MSRB3: variants seen among roughly 807,000 people sequenced by gnomAD.
MSRB3 encodes the protein methionine-R-sulfoxide reductase B3.
A neutral mutation model predicts 21.0 loss-of-function variants in MSRB3; 13 were observed. The observed-to-expected ratio is 0.62, with a 90% CI of 0.40 to 0.98. MSRB3 has a LOEUF of 0.98. MSRB3 is among the 50% of genes least tolerant of loss of function. The pLI is 0.00. For synonymous variants in MSRB3, 87 were observed against 88.6 expected, an observed-to-expected ratio of 0.98 and a Z score of 0.10; for missense variants, 199 against 230.3, an observed-to-expected ratio of 0.86 and a Z score of 0.88.
rs1478873848 is a variant in MSRB3 at position 65,466,739 on chromosome 12, T to G, written c.*3417T>G. ...ATACAAAACAAATGGTAAAGGGGAT[T>G]ATCTTTTGTTTAGATGGTTAAATAT... On this transcript the variant is annotated 3_prime_UTR_variant, in exon 7 of 7. Coordinates refer to ENST00000308259, the MANE Select transcript of MSRB3 (RefSeq NM_001031679.3). The G allele has an allele frequency of 6.6e-6, 1 of 152,256 alleles. No homozygotes were observed. Among genetic ancestry groups the G allele is most frequent in the African/African-American group, 2.4e-5 (1 of 41,458 alleles). 9.4% of individuals were successfully genotyped at this position (152,256 alleles called of 1,614,324 possible). A position where few individuals can be genotyped will look rare whatever the true frequency, so the allele number is the denominator to read the frequency against.
At chr12:65,304,384 C>T (rs935944640) in intron 1 of MSRB3, among the ~76,000 whole-genome samples, 15 of 152,130 alleles carry the variant, frequency 9.9e-5, no homozygotes, top group African/African-American at 2.7e-4. Context: ...TGATACTGCT[C>T]ATTAGGTATT....
At chr12:65,449,287 C>G (rs1407925439) in intron 5 of MSRB3, among the ~76,000 whole-genome samples, 2 of 151,750 alleles carry the variant, frequency 1.3e-5, no homozygotes, top group Non-Finnish European at 2.9e-5. Flanking sequence ...TCCACCCCCC[C>G]AGAGTGAATA....
chr12:65,375,013 CTTT>C (rs34940463), intron 5 of MSRB3, among the ~76,000 whole-genome samples: 3 of 140,328 alleles, frequency 2.1e-5, no homozygotes, highest in African/African-American at 2.6e-5. Context: ...CCACGCCTGG[CTTT>C]TTTTTTTTTT....
At chr12:65,451,531 T>G (rs1215457107) in intron 5 of MSRB3, among the ~76,000 whole-genome samples, 1 of 152,174 alleles carries the variant, frequency 6.6e-6, no homozygotes, top group East Asian at 1.9e-4. Flanking sequence ...AGTTTTGGCT[T>G]TGCTACTTAC....
At chr12:65,405,926 G>T (rs1340542823) in intron 5 of MSRB3, among the ~76,000 whole-genome samples, 2 of 151,310 alleles carry the variant, frequency 1.3e-5, no homozygotes, top group African/African-American at 2.4e-5. Context: ...TTTTAAATTG[G>T]GTTATTTATT....
At chr12:65,332,164 A>G (rs1159484747) in intron 4 of MSRB3, among the ~76,000 whole-genome samples, 1 of 152,312 alleles carries the variant, frequency 6.6e-6, no homozygotes, top group Non-Finnish European at 1.5e-5. Context: ...TTTAATATCA[A>G]AATTCTTTTA....
intron 5 of MSRB3, among the ~76,000 whole-genome samples, chr12:65,428,415 G>T (rs936693205): frequency 6.6e-6 from 1 of 152,016 alleles, no homozygotes; most frequent in Admixed American, 6.6e-5. Context: ...TATTTTGGGG[G>T]TGCTAAAGGG....
At chr12:65,303,187 A>G (rs1008660051) in intron 1 of MSRB3, among the ~76,000 whole-genome samples, 2 of 152,156 alleles carry the variant, frequency 1.3e-5, no homozygotes, top group African/African-American at 2.4e-5. Context: ...CTTTAAAACT[A>G]CTAGTACAAT....
chr12:65,365,649 G>A (rs1221052225), intron 4 of MSRB3, among the ~76,000 whole-genome samples: 1 of 152,102 alleles, frequency 6.6e-6, no homozygotes, highest in Admixed American at 6.5e-5. Flanking sequence ...GCAGGGCCTG[G>A]GCAAGAGGAC....
At chr12:65,443,176 A>G (rs1351973024) in intron 5 of MSRB3, among the ~76,000 whole-genome samples, 1 of 152,096 alleles carries the variant, frequency 6.6e-6, no homozygotes, top group Middle Eastern at 3.2e-3. Context: ...GCTCAAAGGA[A>G]TTAGTAAAGC....
intron 4 of MSRB3, among the ~76,000 whole-genome samples, chr12:65,334,955 G>T (rs970698705): frequency 5.9e-5 from 9 of 152,030 alleles, no homozygotes; most frequent in African/African-American, 2.2e-4. Flanking sequence ...TGAGAAGATT[G>T]ATGCCAACTG....
At chr12:65,453,918 G>A (rs578131252) in intron 6 of MSRB3, 93 bp downstream of exon 6, 1 of 1,010,450 alleles carries the variant, frequency 9.9e-7, no homozygotes, top group South Asian at 1.3e-5. Flanking sequence ...CTGGTCACAA[G>A]AAGGACAGAC....
chr12:65,407,895 C>T (rs993321814), intron 5 of MSRB3, among the ~76,000 whole-genome samples: 15 of 150,970 alleles, frequency 9.9e-5, no homozygotes, highest in Non-Finnish European at 1.9e-4. Flanking sequence ...TGGCATTTTT[C>T]TTTGATTCTT....
intron 5 of MSRB3, chr12:65,419,004 T>C: frequency 1.4e-6 from 1 of 712,036 alleles, no homozygotes; most frequent in Non-Finnish European, 2.5e-6. Context: ...TCCCGTTGAG[T>C]TGCTCCATCT....
intron 5 of MSRB3, among the ~76,000 whole-genome samples, chr12:65,394,548 C>G (rs1461277675): frequency 6.6e-6 from 1 of 152,188 alleles, no homozygotes; most frequent in Non-Finnish European, 1.5e-5. Context: ...ATTCACAACT[C>G]TTCCAAAAAA....
At chr12:65,365,628 A>G (rs1157622437) in intron 4 of MSRB3, among the ~76,000 whole-genome samples, 2 of 152,120 alleles carry the variant, frequency 1.3e-5, no homozygotes, top group Non-Finnish European at 2.9e-5. Flanking sequence ...CTAGGCCTGG[A>G]CCTAACATTT....
chr12:65,451,792 A>G (rs1882869972), intron 5 of MSRB3, among the ~76,000 whole-genome samples: 1 of 152,214 alleles, frequency 6.6e-6, no homozygotes. Context: ...TTTCTTGTGG[A>G]ACTCTCTGAT....
At chr12:65,347,351 T>C (rs1163170474) in intron 4 of MSRB3, among the ~76,000 whole-genome samples, 2 of 152,308 alleles carry the variant, frequency 1.3e-5, no homozygotes, top group Admixed American at 1.3e-4. Flanking sequence ...GAAGCAATTG[T>C]GAATGGGAGT....
At chr12:65,362,581 A>G (rs890865186) in intron 4 of MSRB3, among the ~76,000 whole-genome samples, 5 of 152,196 alleles carry the variant, frequency 3.3e-5, no homozygotes, top group Non-Finnish European at 4.4e-5. Context: ...CTCCTTTAGT[A>G]TGATCAAATA....
Sources: allele counts gnomAD v4.1 joint callset (sites outside exome capture counted in the v4.1 genomes callset), GRCh38; gene constraint gnomAD v4.1.1; transcripts MANE v1.5; gene names NCBI Gene and HGNC (gene_info 2026-07-23, HGNC 2026-07-21).